Variants in SLC35F4 observed in about 807,000 individuals in gnomAD.
The protein encoded by SLC35F4 is solute carrier family 35 member F4.
A neutral mutation model predicts 44.2 loss-of-function variants in SLC35F4; 24 were observed. The ratio of observed to expected loss-of-function variants is 0.54; its 90% CI spans 0.39 to 0.76. The LOEUF (loss-of-function observed/expected upper bound fraction) is 0.76, where lower values mean the gene tolerates loss of function less well. SLC35F4 is among the 30% of genes least tolerant of loss of function. The pLI is 0.00. For synonymous variants in SLC35F4, 238 were observed against 223.6 expected (o/e 1.06, Z -0.57); for missense variants, 562 against 586.1 (o/e 0.96, Z 0.42).
At position 57,581,370 on chromosome 14, in the gene SLC35F4, A is replaced by G; in HGVS notation, c.651T>C (p.Ala217=). The change falls in exon 4 of 8, where the codon GCT becomes GCC. Residue 217 remains alanine (A), a synonymous_variant. Coordinates refer to ENST00000556826, the MANE Select transcript of SLC35F4 (RefSeq NM_001306087.2). ...TCAAAGTCCATAGAATAGAAAAGGGAGCAGTTCTTTTAAGAAAGAGTTTCA... is the reference window on the plus strand; with the variant it reads ...TCAAAGTCCATAGAATAGAAAAGGGGGCAGTTCTTTTAAGAAAGAGTTTCA... ...LTLKLFLKRT[A]PFSILWTLTN... 1 of 1,613,398 alleles carries G rather than the reference A, an allele frequency of 6.2e-7. No homozygotes were observed. Among genetic ancestry groups the G allele is most frequent in the East Asian group, 2.2e-5 (1 of 44,874 alleles).
chr14:57,803,582 C>CT (rs532690276), intron 1 of SLC35F4, among the ~76,000 whole-genome samples: 4,739 of 79,288 alleles, frequency 0.06, 204 homozygotes, highest in Non-Finnish European at 0.086. Context: ...AAAGCTTCTT[C>CT]TTTTTTTTTT....
chr14:57,587,874 A>AAAG (rs2069875767), intron 3 of SLC35F4, among the ~76,000 whole-genome samples: 1 of 145,568 alleles, frequency 6.9e-6, no homozygotes, highest in Non-Finnish European at 1.5e-5. Flanking sequence ...ACCTTCCAAA[A>AAAG]AAAAAAAAAA....
chr14:57,910,736 TCTC>T (rs1889201382), intron 1 of SLC35F4, among the ~76,000 whole-genome samples: 1 of 152,034 alleles, frequency 6.6e-6, no homozygotes, highest in East Asian at 1.9e-4. Flanking sequence ...ACTTTGTGCT[TCTC>T]CTTCAATATT....
intron 1 of SLC35F4, among the ~76,000 whole-genome samples, chr14:57,829,313 G>A (rs560895022): frequency 8.5e-5 from 13 of 152,314 alleles, no homozygotes; most frequent in African/African-American, 3.1e-4. Flanking sequence ...AATGCCTATA[G>A]GTCTGGGTCG....
At chr14:57,677,018 C>G (rs1453679231) in intron 1 of SLC35F4, among the ~76,000 whole-genome samples, 1 of 152,056 alleles carries the variant, frequency 6.6e-6, no homozygotes, top group Non-Finnish European at 1.5e-5. Context: ...GCCTAAATGC[C>G]CATCAACCAA....
chr14:57,938,471 G>C (rs1889856815), intron 1 of SLC35F4, among the ~76,000 whole-genome samples: 1 of 152,096 alleles, frequency 6.6e-6, no homozygotes, highest in African/African-American at 2.4e-5. Context: ...AACTTTCCTG[G>C]GTTGTTTGCT....
chr14:57,628,828 T>G (rs2072613516), intron 1 of SLC35F4, among the ~76,000 whole-genome samples: 1 of 152,292 alleles, frequency 6.6e-6, no homozygotes, highest in Non-Finnish European at 1.5e-5. Context: ...ATTTTCTCTT[T>G]TAGGGACTGA....
intron 1 of SLC35F4, among the ~76,000 whole-genome samples, chr14:57,713,729 G>A (rs8021403): frequency 1.3e-5 from 2 of 152,038 alleles, no homozygotes; most frequent in African/African-American, 4.8e-5. Context: ...CTGACCTAGG[G>A]TACGTGCTCA....
intron 1 of SLC35F4, among the ~76,000 whole-genome samples, chr14:57,779,112 A>AT (rs1566845913): frequency 6.6e-6 from 1 of 151,602 alleles, no homozygotes; most frequent in Non-Finnish European, 1.5e-5. Context: ...AGACAAAAAA[A>AT]AATAATAATA....
At chr14:57,972,000 T>C (rs538740615), downstream of SLC35F4, among the ~76,000 whole-genome samples, 7 of 152,316 alleles carry the variant, frequency 4.6e-5, no homozygotes, top group East Asian at 1.9e-4. Flanking sequence ...GAGAGGCTTG[T>C]GTTTAAACTG....
chr14:57,631,337 C>T (rs1359601717), intron 1 of SLC35F4, among the ~76,000 whole-genome samples: 1 of 152,004 alleles, frequency 6.6e-6, no homozygotes, highest in African/African-American at 2.4e-5. Context: ...AAATAGAAAA[C>T]ATCACAAAAA....
At chr14:57,686,061 T>C (rs1361639241) in intron 1 of SLC35F4, among the ~76,000 whole-genome samples, 1 of 152,176 alleles carries the variant, frequency 6.6e-6, no homozygotes, top group Non-Finnish European at 1.5e-5. Context: ...GGTTATGTCT[T>C]GGTTCTTGGC....
chr14:57,909,466 C>T (rs1432379899), intron 1 of SLC35F4, among the ~76,000 whole-genome samples: 1 of 151,804 alleles, frequency 6.6e-6, no homozygotes, highest in Non-Finnish European at 1.5e-5. Context: ...CCCCTTCAAC[C>T]CCTGGCAACC....
intron 1 of SLC35F4, among the ~76,000 whole-genome samples, chr14:57,621,689 C>T (rs891819670): frequency 3.4e-4 from 52 of 152,004 alleles, no homozygotes; most frequent in Non-Finnish European, 5.2e-4. Context: ...AAGACTTAAA[C>T]GTTAGACCTA....
chr14:57,909,208 G>A (rs1889167774), intron 1 of SLC35F4, among the ~76,000 whole-genome samples: 1 of 151,970 alleles, frequency 6.6e-6, no homozygotes, highest in Non-Finnish European at 1.5e-5. Flanking sequence ...TTTGCACATG[G>A]ACAACCTCCC....
chr14:57,947,774 A>C (rs1314858660), intron 1 of SLC35F4, among the ~76,000 whole-genome samples: 1 of 152,152 alleles, frequency 6.6e-6, no homozygotes, highest in African/African-American at 2.4e-5. Flanking sequence ...TCCTGCTTCT[A>C]TTGAGATGAT....
intron 1 of SLC35F4, among the ~76,000 whole-genome samples, chr14:57,926,543 C>T (rs1426190830): frequency 6.6e-6 from 1 of 152,108 alleles, no homozygotes; most frequent in Non-Finnish European, 1.5e-5. Flanking sequence ...CAACCTGATA[C>T]TAGAAAGCAA....
chr14:57,979,927 T>C lies in SLC35F4; in HGVS notation n.151+1986A>G, dbSNP rs542298132. Among the ~76,000 whole-genome samples the C allele has an allele frequency of 9.8e-5, 15 of 152,364 alleles. No individual in the cohort carries two copies. The South Asian group carries it at 3.1e-3, about 32-fold the overall frequency. ...ACACCATGGAAAATAGTAAATGTCA[T>C]AATCAGGGTTAATGCTTTTTCCAAA... On this transcript the variant is annotated intron_variant and non_coding_transcript_variant, in intron 1 of 1. Transcript: ENST00000554648.
chr14:57,568,285 T>G (rs2068305570), intron 6 of SLC35F4, among the ~76,000 whole-genome samples: 1 of 152,224 alleles, frequency 6.6e-6, no homozygotes, highest in South Asian at 2.1e-4. Context: ...GCAGGCTTGC[T>G]TAGGAGCGCG....
Sources: gnomAD v4.1 joint callset for allele counts (sites outside exome capture counted in the v4.1 genomes callset) on GRCh38, gnomAD v4.1.1 for gene constraint, MANE v1.5 for transcripts, NCBI Gene and HGNC (gene_info 2026-07-23, HGNC 2026-07-21) for gene names.